Variants in LMBR1 observed in about 807,000 individuals in gnomAD.
The protein encoded by LMBR1 is limb region 1 protein homolog.
A neutral mutation model predicts 73.9 loss-of-function variants in LMBR1; 52 were observed. The observed-to-expected ratio is 0.70, with a 90% CI of 0.56 to 0.89. The LOEUF is 0.89. Ranked by LOEUF, LMBR1 falls within the 40% of genes least tolerant of loss-of-function variation. The pLI is 0.00. For synonymous variants in LMBR1, 215 were observed against 209.4 expected, an observed-to-expected ratio of 1.03 and a Z score of -0.23; for missense variants, 539 against 579.8, an observed-to-expected ratio of 0.93 and a Z score of 0.72.
At chr7:156,818,395 G>GT (rs1322344457) in intron 4 of LMBR1, among the ~76,000 whole-genome samples, 3 of 152,146 alleles carry the variant, frequency 2.0e-5, no homozygotes, top group Admixed American at 1.3e-4. Flanking sequence ...ACAAATGTTT[G>GT]TTTTGTCTCT....
intron 7 of LMBR1, among the ~76,000 whole-genome samples, chr7:156,762,742 T>C (rs567118723): frequency 1.3e-5 from 2 of 152,140 alleles, no homozygotes; most frequent in East Asian, 3.9e-4. Context: ...TTATGACAGG[T>C]ATGGGGGTGA....
intron 4 of LMBR1, among the ~76,000 whole-genome samples, chr7:156,803,360 T>G: frequency 6.6e-6 from 1 of 151,688 alleles, no homozygotes; most frequent in Non-Finnish European, 1.5e-5. Context: ...CAGACACTTC[T>G]CAAAAGAAGA....
At chr7:156,763,592 T>C (rs1318204016) in intron 6 of LMBR1, 77 bp downstream of exon 6, 1 of 1,277,788 alleles carries the variant, frequency 7.8e-7, no homozygotes, top group African/African-American at 1.6e-5. Flanking sequence ...TTTAAATGTT[T>C]TTAAAATTGA....
intron 1 of LMBR1, among the ~76,000 whole-genome samples, chr7:156,854,600 G>C (rs1796689910): frequency 6.6e-6 from 1 of 152,124 alleles, no homozygotes; most frequent in Admixed American, 6.5e-5. Flanking sequence ...AATTTTATCA[G>C]AGCCTAATCA....
At chr7:156,820,974 C>T (rs530363737) in intron 4 of LMBR1, among the ~76,000 whole-genome samples, 31 of 152,302 alleles carry the variant, frequency 2.0e-4, no homozygotes, top group East Asian at 7.7e-4. Context: ...GTTGGGGCAA[C>T]GCCCTGCCAT....
At chr7:156,844,280 C>A (rs543224560) in intron 1 of LMBR1, among the ~76,000 whole-genome samples, 1 of 150,946 alleles carries the variant, frequency 6.6e-6, no homozygotes, top group Non-Finnish European at 1.5e-5. Context: ...CCCAAGATCA[C>A]GCCACTGCAC....
At chr7:156,696,698 T>C (rs1055002331) in intron 15 of LMBR1, among the ~76,000 whole-genome samples, 3 of 152,124 alleles carry the variant, frequency 2.0e-5, no homozygotes, top group African/African-American at 7.2e-5. Flanking sequence ...CATGATTAAA[T>C]TACCTCCCAC....
chr7:156,892,805 C>G, intron 1 of LMBR1, 123 bp downstream of exon 1: 1 of 384,772 alleles, frequency 2.6e-6, no homozygotes, highest in East Asian at 4.6e-5. Flanking sequence ...CGGCAGAGGC[C>G]GGGGCGGGAG....
rs770221989 is a variant in LMBR1, at chr7:156,725,817, G to C, written c.1014C>G (p.Ala338=). ...KGTRGPGIGN[A]SLSTFGFVGA... ...CCACAAAACCAAACGTAGAAAGAGA[G>C]GCATTTCCTATTCCAGGCCCCTGGG... is the stretch of plus-strand genomic sequence containing the variant. The change falls in exon 13 of 17, where the codon GCC becomes GCG. Residue 338 remains alanine (A), a synonymous_variant. Transcript: ENST00000353442. The C allele has an allele frequency of 6.2e-7, 1 of 1,612,688 alleles. No homozygotes were observed. Among genetic ancestry groups the C allele is most frequent in the Non-Finnish European group, 8.5e-7 (1 of 1,179,334 alleles).
rs561717391 is a variant in LMBR1, at chr7:156,864,337, G to T, written c.67-27452C>A. Among the ~76,000 whole-genome samples, 5 of 151,908 alleles carry T rather than the reference G, an allele frequency of 3.3e-5. No individual in the cohort carries two copies. The East Asian group carries it at 7.7e-4, about 23-fold the overall frequency. On this transcript the variant is annotated intron_variant, in intron 1 of 16. Transcript: ENST00000353442. Reference sequence around the variant, plus strand: ...GTTTTGTCAAATCACTGCCCTTTAAGTTAACAGCAGCCTATATGATAATTG... The same window carrying T: ...GTTTTGTCAAATCACTGCCCTTTAATTTAACAGCAGCCTATATGATAATTG...
rs527285833 is a variant in LMBR1 at position 156,852,987 on chromosome 7, G to A, written c.67-16102C>T. Among the ~76,000 whole-genome samples, 257 of 150,526 alleles carry A rather than the reference G, an allele frequency of 1.7e-3. 2 individuals are homozygous for A. Among genetic ancestry groups the A allele is most frequent in the Middle Eastern group, 6.8e-3 (2 of 292 alleles). ...AGAGTCTCAATCTGTCGCCCAGGCT[G>A]GAGTGCAGTGGCCCGATCTCAGCTC... On this transcript the variant is annotated intron_variant, in intron 1 of 16. Transcript: ENST00000353442.
chr7:156,892,631 C>CGGGGCG (rs1220800398), intron 1 of LMBR1: 204 of 283,052 alleles, frequency 7.2e-4, no homozygotes, highest in African/African-American at 3.6e-3. Context: ...ACCGAGGCCG[C>CGGGGCG]GGGGCGGGGG....
Position 156,725,498 on chromosome 7 carries a change from G to C in LMBR1, c.1095C>G (p.Gly365=), listed in dbSNP as rs60299355. 2.5e-4 allele frequency: 400 copies of C among 1,606,970 alleles called. No individual in the cohort carries two copies. The highest frequency in any genetic ancestry group is 3.3e-4 in the Non-Finnish European group (385 of 1,175,646). ...IFYLMVSSVV[G]FYSLRFFGNF... ...TTCCAAAAAATCGAAGGCTATAGAAGCCGACAACAGAGGACACCATAAGAT... is the reference window on the plus strand; with the variant it reads ...TTCCAAAAAATCGAAGGCTATAGAACCCGACAACAGAGGACACCATAAGAT... The change falls in exon 14 of 17, where the codon GGC becomes GGG. Residue 365 remains glycine (G), a synonymous_variant. Transcript: ENST00000353442.
intron 15 of LMBR1, among the ~76,000 whole-genome samples, chr7:156,699,345 T>C (rs927091906): frequency 6.6e-6 from 1 of 152,042 alleles, no homozygotes. Context: ...GAAAACTGGC[T>C]AGCCATATGT....
chr7:156,752,976 T>G, intron 9 of LMBR1, among the ~76,000 whole-genome samples: 1 of 144,988 alleles, frequency 6.9e-6, no homozygotes. Flanking sequence ...TGATGGGGGG[T>G]GAGAAAAAGG....
At chr7:156,714,211 G>A (rs1197711323) in intron 15 of LMBR1, among the ~76,000 whole-genome samples, 1 of 152,176 alleles carries the variant, frequency 6.6e-6, no homozygotes, top group Admixed American at 6.5e-5. Flanking sequence ...CTTTATGGAG[G>A]AAAAGAAAAG....
At chr7:156,823,160 G>A (rs1487597874) in intron 4 of LMBR1, 2 of 150,710 alleles carry the variant, frequency 1.3e-5, no homozygotes, top group Non-Finnish European at 3.0e-5. Context: ...AATGATATAT[G>A]TATTAGATAT....
In LMBR1 at chr7:156,763,281, C is replaced by T. The variant is rs1823462049; in HGVS notation, c.551-105G>A. The T allele has an allele frequency of 1.6e-5, 8 of 515,404 alleles. No individual in the cohort carries two copies. The South Asian group carries it at 2.4e-4, about 15-fold the overall frequency. The allele number at this position is 515,404 out of a possible 1,614,324, so 31.9% of individuals were successfully genotyped here. On this transcript the variant is annotated intron_variant, in intron 6 of 16. Coordinates refer to ENST00000353442, the MANE Select transcript of LMBR1 (RefSeq NM_022458.4). ...AGAGGCTGACTGTACCTCATGTAAA[C>T]ATTGTAATTGCCTATTTTAGTTTAT...
chr7:156,692,451 G>C (rs1807417520), intron 15 of LMBR1, among the ~76,000 whole-genome samples: 1 of 152,180 alleles, frequency 6.6e-6, no homozygotes, highest in Non-Finnish European at 1.5e-5. Context: ...TATACTTATT[G>C]ACTTCAGGCT....
Sources: allele counts gnomAD v4.1 joint callset (sites outside exome capture counted in the v4.1 genomes callset), GRCh38; gene constraint gnomAD v4.1.1; transcripts MANE v1.5; gene names NCBI Gene and HGNC (gene_info 2026-07-23, HGNC 2026-07-21).